The following SMAD2 variants were observed in gnomAD, a reference collection of about 807,000 sequenced individuals.
The protein encoded by SMAD2 is MAD homolog 2.
In SMAD2, 8 loss-of-function variants were observed where a neutral mutation model predicts 64.4. The observed-to-expected ratio is 0.12, with a 90% CI of 0.07 to 0.22. The LOEUF (loss-of-function observed/expected upper bound fraction) is 0.22. Ranked by LOEUF, SMAD2 falls within the 10% of genes least tolerant of loss-of-function variation. SMAD2 has a pLI of 1.00. For missense variants in SMAD2, 289 were observed against 561.2 expected (o/e 0.51, Z 4.90); for synonymous variants, 203 against 195.8 (o/e 1.04, Z -0.31).
chr18:47,917,835 G>A (rs1308151710), intron 1 of SMAD2, among the ~76,000 whole-genome samples: 1 of 152,104 alleles, frequency 6.6e-6, no homozygotes, highest in Non-Finnish European at 1.5e-5. Flanking sequence ...TTACAGGCAT[G>A]AGCCACCACG....
intron 1 of SMAD2, among the ~76,000 whole-genome samples, chr18:47,907,021 T>C (rs2033932594): frequency 6.6e-6 from 1 of 152,300 alleles, no homozygotes; most frequent in South Asian, 2.1e-4. Context: ...GTTCTTGGGA[T>C]TAGAACCTGA....
chr18:47,854,033 AC>A (rs1468963707), intron 6 of SMAD2, among the ~76,000 whole-genome samples: 1 of 152,234 alleles, frequency 6.6e-6, no homozygotes, highest in East Asian at 1.9e-4. Flanking sequence ...ATTACAGATT[AC>A]AAAAAAGACA....
intron 7 of SMAD2, among the ~76,000 whole-genome samples, chr18:47,850,869 A>G (rs1470161804): frequency 1.1e-4 from 10 of 89,482 alleles, no homozygotes; most frequent in African/African-American, 4.2e-4. Context: ...TATATATATT[A>G]TGTATAATAT....
chr18:47,898,418 T>C (rs2033535483), intron 1 of SMAD2, among the ~76,000 whole-genome samples: 1 of 151,830 alleles, frequency 6.6e-6, no homozygotes, highest in South Asian at 2.1e-4. Flanking sequence ...TTTTTGTGTA[T>C]GTGTGTACAA....
chr18:47,854,208 T>TA (rs1397594737), intron 6 of SMAD2, among the ~76,000 whole-genome samples: 1 of 152,164 alleles, frequency 6.6e-6, no homozygotes, highest in Non-Finnish European at 1.5e-5. Context: ...ATAAATATCC[T>TA]ATTTGAGATC....
At chr18:47,881,535 CA>C (rs1292440502) in intron 2 of SMAD2, among the ~76,000 whole-genome samples, 1 of 152,166 alleles carries the variant, frequency 6.6e-6, no homozygotes, top group Non-Finnish European at 1.5e-5. Context: ...ATGTCATCTA[CA>C]AACAGAATTT....
At chr18:47,862,370 C>T (rs896715980) in intron 6 of SMAD2, among the ~76,000 whole-genome samples, 2 of 152,136 alleles carry the variant, frequency 1.3e-5, no homozygotes, top group African/African-American at 4.8e-5. Flanking sequence ...GGACCTAAGT[C>T]CCAAGACAAG....
chr18:47,878,845 T>C (rs946959698), intron 2 of SMAD2, among the ~76,000 whole-genome samples: 1 of 152,240 alleles, frequency 6.6e-6, no homozygotes, highest in Non-Finnish European at 1.5e-5. Context: ...TTCTGTAATT[T>C]GGATTTGTTT....
chr18:47,815,133 G>A lies in SMAD2; in HGVS notation c.*26694C>T, dbSNP rs972867391. The A allele has an allele frequency of 1.3e-5, 2 of 152,274 alleles. No homozygotes were observed. The highest frequency in any genetic ancestry group is 2.9e-5 in the Non-Finnish European group (2 of 68,072). The allele number at this position is 152,274 out of a possible 1,614,324, so 9.4% of individuals were successfully genotyped here. A position where few individuals can be genotyped will look rare whatever the true frequency, so the allele number is the denominator to read the frequency against. On this transcript the variant is annotated 3_prime_UTR_variant, in exon 11 of 11. Coordinates refer to ENST00000262160, the MANE Select transcript of SMAD2 (RefSeq NM_005901.6). ...ACCCACTAGATGCCATCATGAGGAA[G>A]AAGCTAGGAAGAACCTTTGAAAAGC...
chr18:47,841,929 A>C lies in SMAD2; in HGVS notation c.1302T>G (p.Thr434=). 1 of 1,614,124 alleles carries C rather than the reference A, an allele frequency of 6.2e-7. No individual in the cohort carries two copies. The highest frequency in any genetic ancestry group is 2.2e-5 in the East Asian group (1 of 44,866). The change falls in exon 11 of 11, where the codon ACT becomes ACG. Residue 434 remains threonine, a synonymous_variant. Transcript: ENST00000262160. Reference sequence around the variant, plus strand: ...TCAGATGAAGTTCAATCCAGCAAGGAGTACTTGTTACCGTCTGCCTTCTGT... The same window carrying C: ...TCAGATGAAGTTCAATCCAGCAAGGCGTACTTGTTACCGTCTGCCTTCTGT... ...AEYRRQTVTS[T]PCWIELHLNG...
At chr18:47,873,839 A>G (rs2032094142) in intron 2 of SMAD2, among the ~76,000 whole-genome samples, 1 of 152,186 alleles carries the variant, frequency 6.6e-6, no homozygotes, top group African/African-American at 2.4e-5. Flanking sequence ...CAGGGCAACT[A>G]GAATTCAAAC....
chr18:47,903,988 G>A (rs539826153), intron 1 of SMAD2, among the ~76,000 whole-genome samples: 3 of 150,906 alleles, frequency 2.0e-5, no homozygotes, highest in Admixed American at 6.6e-5. Context: ...AAGAGATAAT[G>A]GCCATAAACT....
At chr18:47,868,229 TA>T in intron 5 of SMAD2, 93 bp downstream of exon 5, 3 of 1,112,864 alleles carry the variant, frequency 2.7e-6, no homozygotes, top group Non-Finnish European at 4.1e-6. Context: ...AAAGCATTTT[TA>T]AAAAAGTGAA....
Position 47,838,555 on chromosome 18 carries a change from T to C in SMAD2, c.*3272A>G, listed in dbSNP as rs190934294. On this transcript the variant is annotated 3_prime_UTR_variant, in exon 11 of 11. Transcript: ENST00000262160. The stretch of plus-strand genomic sequence containing the variant: ...CGGTATAACTGATATAGCTCAAATC[T>C]AATCATGAAAGCTTCTTTAAAGTAG... 3 of 233,092 alleles carry C rather than the reference T, an allele frequency of 1.3e-5. No homozygotes were observed. The highest frequency in any genetic ancestry group is 5.6e-5 in the Admixed American group (1 of 17,786). 14.4% of individuals were successfully genotyped at this position (233,092 alleles called of 1,614,324 possible).
At chr18:47,890,076 AG>A (rs2033119480) in intron 2 of SMAD2, among the ~76,000 whole-genome samples, 1 of 152,244 alleles carries the variant, frequency 6.6e-6, no homozygotes, top group Non-Finnish European at 1.5e-5. Context: ...CATATACACA[AG>A]GGACTTTGAA....
chr18:47,855,551 GA>G (rs1170394616), intron 6 of SMAD2, among the ~76,000 whole-genome samples: 1 of 152,100 alleles, frequency 6.6e-6, no homozygotes, highest in Non-Finnish European at 1.5e-5. Flanking sequence ...GCTTTTGTCT[GA>G]AAAATTTTTT....
intron 6 of SMAD2, among the ~76,000 whole-genome samples, chr18:47,864,628 C>G (rs2031425969): frequency 6.6e-6 from 1 of 152,032 alleles, no homozygotes; most frequent in Non-Finnish European, 1.5e-5. Flanking sequence ...TACTATAATT[C>G]AAAACTCACT....
intron 6 of SMAD2, among the ~76,000 whole-genome samples, chr18:47,863,491 C>G (rs2031338553): frequency 6.6e-6 from 1 of 152,108 alleles, no homozygotes; most frequent in Non-Finnish European, 1.5e-5. Flanking sequence ...ATTATTGCTC[C>G]TCCTGTGTTT....
In SMAD2 at chr18:47,841,636, G is replaced by C. The variant is rs781288100; in HGVS notation, c.*191C>G. On this transcript the variant is annotated 3_prime_UTR_variant, in exon 11 of 11. Transcript: ENST00000262160. ...CCTCTTTAATGGGAGAGTATTTCTA[G>C]ACACTAATTTTCCCATCTAATATTC... is the stretch of plus-strand genomic sequence containing the variant. 2 of 631,656 alleles carry C rather than the reference G, an allele frequency of 3.2e-6. No individual in the cohort carries two copies. The highest frequency in any genetic ancestry group is 1.8e-5 in the South Asian group (1 of 54,304). 39.1% of individuals were successfully genotyped at this position (631,656 alleles called of 1,614,324 possible). A position where few individuals can be genotyped will look rare whatever the true frequency, so the allele number is the denominator to read the frequency against.
Sources: allele counts gnomAD v4.1 joint callset (sites outside exome capture counted in the v4.1 genomes callset), GRCh38; gene constraint gnomAD v4.1.1; transcripts MANE v1.5; gene names NCBI Gene and HGNC (gene_info 2026-07-23, HGNC 2026-07-21).